Variants in CDH13 observed in about 807,000 individuals in gnomAD.
CDH13 encodes cadherin 13, also known as cadherin-13.
Under a neutral mutation model 63.8 loss-of-function variants are expected in CDH13, and 24 were observed. That is an observed-to-expected ratio of 0.38 (90% CI 0.27 to 0.53). The LOEUF is 0.53. Ranked by LOEUF, CDH13 falls within the 20% of genes least tolerant of loss-of-function variation. The pLI, the probability that CDH13 is intolerant of heterozygous loss-of-function variation, is 0.85. For missense variants in CDH13, 1,049 were observed against 903.1 expected (o/e 1.16, Z -2.07); for synonymous variants, 503 against 355.3 (o/e 1.42, Z -4.67).
At chr16:83,278,276 AC>A (rs1440498156) in intron 5 of CDH13, among the ~76,000 whole-genome samples, 2 of 152,142 alleles carry the variant, frequency 1.3e-5, no homozygotes, top group African/African-American at 4.8e-5. Context: ...CAAAGCTTAA[AC>A]CAGATCCAGC....
intron 5 of CDH13, among the ~76,000 whole-genome samples, chr16:83,228,021 G>T (rs746871560): frequency 2.0e-5 from 3 of 152,150 alleles, no homozygotes; most frequent in Non-Finnish European, 4.4e-5. Context: ...AAAAGATATA[G>T]GGTGGTGGGA....
intron 6 of CDH13, among the ~76,000 whole-genome samples, chr16:83,402,922 G>A (rs181391491): frequency 7.9e-5 from 12 of 152,104 alleles, no homozygotes; most frequent in Middle Eastern, 3.4e-3. Flanking sequence ...TTTGATTTGG[G>A]TTCTATTTTC....
intron 1 of CDH13, among the ~76,000 whole-genome samples, chr16:82,709,548 A>G (rs891099778): frequency 1.3e-5 from 2 of 152,224 alleles, no homozygotes; most frequent in African/African-American, 4.8e-5. Context: ...ACTTCATCTG[A>G]AAGTGTGGAT....
intron 5 of CDH13, among the ~76,000 whole-genome samples, chr16:83,292,646 G>C (rs1349605125): frequency 1.3e-5 from 2 of 152,044 alleles, no homozygotes; most frequent in African/African-American, 2.4e-5. Context: ...AATTTCTTTG[G>C]GGTGATAAAA....
chr16:82,999,477 A>C (rs1464589318), intron 2 of CDH13, among the ~76,000 whole-genome samples: 2 of 152,186 alleles, frequency 1.3e-5, no homozygotes, highest in African/African-American at 4.8e-5. Context: ...CCCTTACATC[A>C]AAATAAATTC....
chr16:83,139,767 G>C (rs2036450425), intron 4 of CDH13, among the ~76,000 whole-genome samples: 1 of 152,124 alleles, frequency 6.6e-6, no homozygotes, highest in Non-Finnish European at 1.5e-5. Flanking sequence ...ACTTTGGGAG[G>C]CCGACCGGGT....
intron 6 of CDH13, among the ~76,000 whole-genome samples, chr16:83,359,188 G>A (rs2091112841): frequency 6.6e-6 from 1 of 152,150 alleles, no homozygotes; most frequent in Admixed American, 6.6e-5. Context: ...GGGTTGAGAT[G>A]GCTGATTCCC....
chr16:83,515,465 C>G (rs1196329860), intron 7 of CDH13, among the ~76,000 whole-genome samples: 1 of 152,186 alleles, frequency 6.6e-6, no homozygotes, highest in Non-Finnish European at 1.5e-5. Flanking sequence ...TTCCGTGACA[C>G]AATTGAAGGA....
intron 2 of CDH13, among the ~76,000 whole-genome samples, chr16:82,946,378 A>C (rs1469365686): frequency 6.6e-6 from 1 of 152,156 alleles, no homozygotes; most frequent in Non-Finnish European, 1.5e-5. Context: ...ATTGATAGTC[A>C]AGCACCCTGA....
chr16:82,724,670 C>T (rs2032989697), intron 1 of CDH13, among the ~76,000 whole-genome samples: 2 of 152,160 alleles, frequency 1.3e-5, no homozygotes, highest in Non-Finnish European at 2.9e-5. Flanking sequence ...TCAAAAGAGA[C>T]TGTCATGTAA....
At chr16:83,044,695 G>T (rs1917619276) in intron 3 of CDH13, among the ~76,000 whole-genome samples, 1 of 152,222 alleles carries the variant, frequency 6.6e-6, no homozygotes, top group South Asian at 2.1e-4. Flanking sequence ...CAGATGGTGT[G>T]TTTTTCGTTT....
At chr16:82,879,940 A>AT (rs997565079) in intron 2 of CDH13, among the ~76,000 whole-genome samples, 3 of 128,330 alleles carry the variant, frequency 2.3e-5, no homozygotes, top group African/African-American at 8.2e-5. Flanking sequence ...TATATAATAT[A>AT]TATTATAACA....
intron 2 of CDH13, among the ~76,000 whole-genome samples, chr16:82,891,534 A>T (rs751533666): frequency 1.9e-4 from 29 of 152,198 alleles, no homozygotes; most frequent in Non-Finnish European, 4.4e-5. Flanking sequence ...TATTGAGTAC[A>T]CTGCACCATC....
chr16:83,488,183 G>C (rs968213355), intron 7 of CDH13, among the ~76,000 whole-genome samples: 3 of 152,218 alleles, frequency 2.0e-5, no homozygotes, highest in Non-Finnish European at 4.4e-5. Context: ...GTCATATGTG[G>C]TTGGTGGCTA....
intron 2 of CDH13, among the ~76,000 whole-genome samples, chr16:82,995,574 T>C (rs1393665781): frequency 1.3e-5 from 2 of 152,192 alleles, no homozygotes; most frequent in Non-Finnish European, 2.9e-5. Context: ...ACTGCCAACC[T>C]AGACTCTTAA....
intron 6 of CDH13, among the ~76,000 whole-genome samples, chr16:83,462,120 G>A (rs772583066): frequency 1.1e-4 from 17 of 152,236 alleles, no homozygotes; most frequent in African/African-American, 3.4e-4. Context: ...ATGGGGCAGT[G>A]CATGACTGAC....
chr16:83,172,256 C>T (rs894958019), intron 4 of CDH13, among the ~76,000 whole-genome samples: 7 of 152,110 alleles, frequency 4.6e-5, no homozygotes, highest in South Asian at 4.2e-4. Flanking sequence ...TTTGGGAGGC[C>T]GAGGCAGGCA....
intron 6 of CDH13, among the ~76,000 whole-genome samples, chr16:83,425,160 T>A (rs7193823): frequency 2.0e-5 from 3 of 151,972 alleles, no homozygotes; most frequent in South Asian, 2.1e-4. Flanking sequence ...CATTCTGCTC[T>A]CCCGACATTA....
At chr16:82,806,063 T>A (rs1173756150) in intron 1 of CDH13, among the ~76,000 whole-genome samples, 1 of 152,172 alleles carries the variant, frequency 6.6e-6, no homozygotes, top group Non-Finnish European at 1.5e-5. Flanking sequence ...GAGATGTTAG[T>A]GAACCCATCT....
Sources: gnomAD v4.1 joint callset for allele counts (sites outside exome capture counted in the v4.1 genomes callset) on GRCh38, gnomAD v4.1.1 for gene constraint, MANE v1.5 for transcripts, NCBI Gene and HGNC (gene_info 2026-07-23, HGNC 2026-07-21) for gene names.